MIPEP: variants seen among roughly 807,000 people sequenced by gnomAD.
The protein encoded by MIPEP is mitochondrial intermediate peptidase.
Under a neutral mutation model 90.3 loss-of-function variants are expected in MIPEP, and 79 were observed. The observed-to-expected ratio is 0.87, with a 90% confidence interval of 0.73 to 1.05. The LOEUF is 1.05. Ranked by LOEUF, MIPEP falls within the 50% of genes least tolerant of loss-of-function variation. MIPEP has a pLI of 0.00. For synonymous variants in MIPEP, 334 were observed against 315.8 expected, an observed-to-expected ratio of 1.06 and a Z score of -0.61; for missense variants, 940 against 905.6, an observed-to-expected ratio of 1.04 and a Z score of -0.49.
chr13:23,881,550 G>C, intron 3 of MIPEP, 149 bp downstream of exon 3: 1 of 659,718 alleles, frequency 1.5e-6, no homozygotes, highest in Non-Finnish European at 2.7e-6. Context: ...CCTGTCCTGA[G>C]CCCTCCCTCC....
rs930436542 is a variant in MIPEP at position 23,886,263 on chromosome 13, G to A, written c.363+70C>T. ...TCTAATATTAATAGTAAACAACAAA[G>A]GATAAATTTCACTTAAATTTTAACA... On this transcript the variant is annotated intron_variant, in intron 2 of 18. Transcript: ENST00000382172. The A allele has an allele frequency of 2.8e-5, 35 of 1,229,372 alleles. No individual in the cohort carries two copies. In the African/African-American group the frequency reaches 4.5e-4, roughly 16 times the overall value. 76.2% of individuals were successfully genotyped at this position (1,229,372 alleles called of 1,614,324 possible). A position where few individuals can be genotyped will look rare whatever the true frequency, so the allele number is the denominator to read the frequency against.
intron 14 of MIPEP, among the ~76,000 whole-genome samples, chr13:23,821,406 T>C (rs919841181): frequency 1.3e-5 from 2 of 152,132 alleles, no homozygotes; most frequent in South Asian, 2.1e-4. Flanking sequence ...TTTGTCACTA[T>C]AGAATCCCAC....
At chr13:23,764,161 A>C (rs74038714) in intron 16 of MIPEP, among the ~76,000 whole-genome samples, 1,646 of 152,304 alleles carry the variant, frequency 0.011, 33 homozygotes, top group African/African-American at 0.037. Context: ...ACATCTTTGT[A>C]GTTTTCCTTT....
chr13:23,871,370 G>A lies in MIPEP; in HGVS notation c.604-1175C>T, dbSNP rs75512437. 4.3e-3 allele frequency among the ~76,000 whole-genome samples: 655 copies of A among 152,282 alleles called. 8 individuals are homozygous for A. The highest frequency in any genetic ancestry group is 0.014 in the African/African-American group (602 of 41,566). ...TTAGGCTGACTGGAGGAGAAGGGCT[G>A]AATTTTCAGTTATTGGCTACTCAAA... On this transcript the variant is annotated intron_variant, in intron 5 of 18. Coordinates refer to ENST00000382172, the MANE Select transcript of MIPEP (RefSeq NM_005932.4).
chr13:23,889,233 C>T lies in MIPEP; in HGVS notation c.88G>A (p.Gly30Arg), dbSNP rs566983447. Reference sequence around the variant, plus strand: ...GTGCTGACCCTTCGGGCCCGGATCCCGGCTTCGAGGCTTCCCCGGCCCGCC... The same window carrying T: ...GTGCTGACCCTTCGGGCCCGGATCCTGGCTTCGAGGCTTCCCCGGCCCGCC... ...RRAGRGSLEA[G>R]IRARRVSTSW... The change falls in exon 1 of 19, where the codon GGG becomes AGG. Residue 30 changes from glycine (G) to arginine (R), a missense_variant. Physicochemically the swap from Gly to Arg is moderately radical, Grantham distance 125. Coordinates refer to ENST00000382172, the MANE Select transcript of MIPEP (RefSeq NM_005932.4). 10 of 1,410,088 alleles carry T rather than the reference C, an allele frequency of 7.1e-6. No individual in the cohort carries two copies. The highest frequency in any genetic ancestry group is 9.2e-6 in the Non-Finnish European group (10 of 1,083,846). 87.3% of individuals were successfully genotyped at this position (1,410,088 alleles called of 1,614,324 possible).
At chr13:23,739,935 AAC>A (rs1952307331) in intron 18 of MIPEP, among the ~76,000 whole-genome samples, 1 of 152,222 alleles carries the variant, frequency 6.6e-6, no homozygotes. Context: ...GGAAATACAT[AAC>A]TGTTCATACA....
Position 23,870,083 on chromosome 13 carries a change from C to T in MIPEP, c.716G>A (p.Arg239His), listed in dbSNP as rs777968006. ...IEKHLLPEHI[R>H]RNFTSAGDHI... is the part of the protein sequence containing the mutation. Reference sequence around the variant, plus strand: ...ATCCCCAGCAGATGTAAAGTTACGACGAATGTGTTCTGGTAAGAGATGCTT... The same window carrying T: ...ATCCCCAGCAGATGTAAAGTTACGATGAATGTGTTCTGGTAAGAGATGCTT... Residue 239 changes from arginine (R) to histidine (H), a missense_variant, in exon 6 of 19, where the codon CGT becomes CAT. Transcript: ENST00000382172. The T allele has an allele frequency of 4.3e-6, 7 of 1,612,388 alleles. No individual in the cohort carries two copies. Among genetic ancestry groups the T allele is most frequent in the Middle Eastern group, 1.7e-4 (1 of 6,056 alleles).
intron 8 of MIPEP, 71 bp from the exon 9 acceptor site, chr13:23,862,433 C>T (rs1021268682): frequency 4.8e-6 from 4 of 831,258 alleles, no homozygotes; most frequent in Non-Finnish European, 7.9e-6. Context: ...GACTAGTTTG[C>T]TTATGTTACA....
chr13:23,769,933 A>T (rs536848817), intron 16 of MIPEP, among the ~76,000 whole-genome samples: 7 of 152,188 alleles, frequency 4.6e-5, no homozygotes, highest in Non-Finnish European at 1.0e-4. Flanking sequence ...CTAGCCCATG[A>T]GCACACTCAG....
At chr13:23,775,131 G>A (rs1014298453) in intron 16 of MIPEP, among the ~76,000 whole-genome samples, 1,652 of 151,012 alleles carry the variant, frequency 0.011, 30 homozygotes, top group East Asian at 0.054. Flanking sequence ...GTGTGTGTGT[G>A]TGTGTGTGTG....
chr13:23,782,144 G>T (rs1952789310), intron 16 of MIPEP, among the ~76,000 whole-genome samples: 1 of 152,180 alleles, frequency 6.6e-6, no homozygotes, highest in Non-Finnish European at 1.5e-5. Context: ...CAAATCAACA[G>T]AATATACATT....
intron 16 of MIPEP, among the ~76,000 whole-genome samples, chr13:23,789,516 G>A (rs1324970): frequency 0.99 from 151,155 of 152,336 alleles, 75,016 homozygotes; most frequent in East Asian, 1. Context: ...AAATGCCTTA[G>A]TCCTCAGTCT....
intron 18 of MIPEP, 104 bp from the exon 19 acceptor site, chr13:23,730,549 A>C: frequency 1.3e-6 from 1 of 740,878 alleles, no homozygotes; most frequent in Non-Finnish European, 2.4e-6. Context: ...TGGCTTTCTG[A>C]ATTAAGACTC....
chr13:23,889,060 T>G, intron 1 of MIPEP, 72 bp downstream of exon 1: 13 of 1,279,662 alleles, frequency 1.0e-5, no homozygotes, highest in Non-Finnish European at 1.1e-5. Flanking sequence ...CTCGCCCTGA[T>G]TGTTGCTGGC....
intron 18 of MIPEP, among the ~76,000 whole-genome samples, chr13:23,744,032 T>C (rs1193087430): frequency 6.6e-6 from 1 of 152,254 alleles, no homozygotes; most frequent in Non-Finnish European, 1.5e-5. Context: ...ATTGTAACTC[T>C]GATTCCGTAA....
At chr13:23,837,170 T>C (rs1449303002) in intron 13 of MIPEP, among the ~76,000 whole-genome samples, 1 of 152,258 alleles carries the variant, frequency 6.6e-6, no homozygotes, top group Non-Finnish European at 1.5e-5. Context: ...CTTTATTTTC[T>C]TCTCTGATTT....
At chr13:23,782,020 C>T (rs1952788213) in intron 16 of MIPEP, among the ~76,000 whole-genome samples, 1 of 152,030 alleles carries the variant, frequency 6.6e-6, no homozygotes, top group African/African-American at 2.4e-5. Context: ...ACTTTAACAC[C>T]CCACTGTCAA....
chr13:23,734,017 T>C (rs989430985), intron 18 of MIPEP, among the ~76,000 whole-genome samples: 3 of 152,232 alleles, frequency 2.0e-5, no homozygotes, highest in Non-Finnish European at 1.5e-5. Flanking sequence ...AGTAGCACAG[T>C]TGACAATCTA....
chr13:23,850,565 A>C (rs1869756524), intron 10 of MIPEP, among the ~76,000 whole-genome samples: 1 of 152,330 alleles, frequency 6.6e-6, no homozygotes, highest in South Asian at 2.1e-4. Context: ...AACTGTGGTT[A>C]ACAGAAATCA....
Sources: allele counts gnomAD v4.1 joint callset (sites outside exome capture counted in the v4.1 genomes callset), GRCh38; gene constraint gnomAD v4.1.1; transcripts MANE v1.5; gene names NCBI Gene and HGNC (gene_info 2026-07-23, HGNC 2026-07-21).